FANCI: variants seen among roughly 807,000 people sequenced by gnomAD.
The protein encoded by FANCI is Fanconi anemia group I protein.
Under a neutral mutation model 176.1 loss-of-function variants are expected in FANCI, and 156 were observed. That is an observed-to-expected ratio of 0.89 (90% CI 0.78 to 1.01). The LOEUF (loss-of-function observed/expected upper bound fraction) is 1.01, where lower values mean the gene tolerates loss of function less well. FANCI is among the 50% of genes least tolerant of loss of function. The pLI, the probability that FANCI is intolerant of heterozygous loss-of-function variation, is 0.00. For missense variants in FANCI, 1,678 were observed against 1,534.1 expected, an observed-to-expected ratio of 1.09 and a Z score of -1.57; for synonymous variants, 613 against 541.7, an observed-to-expected ratio of 1.13 and a Z score of -1.83.
intron 34 of FANCI, among the ~76,000 whole-genome samples, chr15:89,310,463 T>G (rs775862795): frequency 3.3e-5 from 5 of 152,264 alleles, no homozygotes; most frequent in Non-Finnish European, 5.9e-5. Context: ...AGACTGCTAT[T>G]ATTTTCCCCT....
chr15:89,281,034 A>C, intron 14 of FANCI, 136 bp from the exon 15 acceptor site: 1 of 828,058 alleles, frequency 1.2e-6, no homozygotes, highest in Non-Finnish European at 2.0e-6. Context: ...TAGAATCAGT[A>C]GAAATTTGTA....
rs2053840102 is a variant in FANCI at position 89,286,977 on chromosome 15, C to CTTTTTTTTTTTTTTTTTTTGTTTTTTT, written c.1821+1778_1821+1779insGTTTTTTTTTTTTTTTTTTTTTTTTTT. Among the ~76,000 whole-genome samples the CTTTTTTTTTTTTTTTTTTTGTTTTTTT allele has an allele frequency of 2.3e-5, 2 of 86,054 alleles. 1 individual carries two copies. The highest frequency in any genetic ancestry group is 9.5e-5 in the African/African-American group (2 of 21,158). The allele number at this position is 86,054 out of a possible 152,430, so 56.5% of individuals were successfully genotyped here. On this transcript the variant is annotated intron_variant, in intron 18 of 37. Transcript: ENST00000310775. Reference sequence around the variant, plus strand: ...TCAGCATTTGCTGCTTCACCTTGCACTTTTTTTTTTTTTTTTTTTTTGAGT... The same window carrying CTTTTTTTTTTTTTTTTTTTGTTTTTTT: ...TCAGCATTTGCTGCTTCACCTTGCACTTTTTTTTTTTTTTTTTTTGTTTTTTTTTTTTTTTTTTTTTTTTTTTTGAGT...
chr15:89,252,294 C>G (rs1031392727), intron 2 of FANCI, among the ~76,000 whole-genome samples: 15 of 148,434 alleles, frequency 1.0e-4, no homozygotes, highest in African/African-American at 3.7e-4. Flanking sequence ...AAGTGAGATT[C>G]CATCTAAAAA....
intron 34 of FANCI, among the ~76,000 whole-genome samples, chr15:89,309,658 G>C (rs1279674731): frequency 6.6e-6 from 1 of 152,208 alleles, no homozygotes; most frequent in Non-Finnish European, 1.5e-5. Context: ...AGGACTTGAA[G>C]GCTGCAGTGA....
At chr15:89,258,486 A>G (rs2052588729) in intron 2 of FANCI, among the ~76,000 whole-genome samples, 1 of 152,224 alleles carries the variant, frequency 6.6e-6, no homozygotes, top group African/African-American at 2.4e-5. Context: ...AGTTATAAAC[A>G]TAAATGTTTA....
chr15:89,265,150 C>G (rs562810460), intron 9 of FANCI, among the ~76,000 whole-genome samples: 1 of 152,224 alleles, frequency 6.6e-6, no homozygotes, highest in South Asian at 2.1e-4. Context: ...GGAAATAATA[C>G]AAAGGCAGAA....
chr15:89,307,850 T>G, intron 34 of FANCI, 178 bp downstream of exon 34: 1 of 1,475,316 alleles, frequency 6.8e-7, no homozygotes. Context: ...AGGACATCTT[T>G]ATGTAAAGAA....
intron 27 of FANCI, among the ~76,000 whole-genome samples, chr15:89,302,197 G>A (rs115537008): frequency 0.011 from 1,637 of 152,280 alleles, 28 homozygotes; most frequent in African/African-American, 0.037. Flanking sequence ...GTGAGCCCTT[G>A]CCTCAGAAGA....
chr15:89,253,917 A>AATTAC (rs2052382211), intron 2 of FANCI, among the ~76,000 whole-genome samples: 1 of 151,818 alleles, frequency 6.6e-6, no homozygotes, highest in Non-Finnish European at 1.5e-5. Flanking sequence ...GAGAAAAATA[A>AATTAC]AATAAAAGAT....
At chr15:89,286,555 CT>C (rs931372843) in intron 18 of FANCI, among the ~76,000 whole-genome samples, 1 of 151,654 alleles carries the variant, frequency 6.6e-6, no homozygotes, top group Non-Finnish European at 1.5e-5. Flanking sequence ...TGAGAAGAAT[CT>C]TTTTTTTTCT....
intron 24 of FANCI, among the ~76,000 whole-genome samples, chr15:89,297,362 G>A (rs373147164): frequency 4.6e-5 from 7 of 152,156 alleles, no homozygotes; most frequent in African/African-American, 1.2e-4. Context: ...ACGGGGTGGC[G>A]GCTGGGCAGA....
intron 22 of FANCI, 97 bp from the exon 23 acceptor site, chr15:89,293,736 T>C (rs2054152193): frequency 1.7e-6 from 2 of 1,152,630 alleles, no homozygotes; most frequent in African/African-American, 1.5e-5. Context: ...GTCTAAAATA[T>C]GACATTTAAA....
At chr15:89,272,604 T>C (rs2053240940) in intron 10 of FANCI, among the ~76,000 whole-genome samples, 1 of 152,186 alleles carries the variant, frequency 6.6e-6, no homozygotes, top group African/African-American at 2.4e-5. Context: ...TCTAAAAATA[T>C]TACAATTTTT....
intron 27 of FANCI, 49 bp downstream of exon 27, chr15:89,301,491 G>T (rs769369603): frequency 1.6e-6 from 2 of 1,223,044 alleles, no homozygotes; most frequent in South Asian, 2.4e-5. Flanking sequence ...CAGAAGGCAA[G>T]GATTATTGCA....
At chr15:89,252,627 C>G (rs2052308881) in intron 2 of FANCI, among the ~76,000 whole-genome samples, 2 of 152,146 alleles carry the variant, frequency 1.3e-5, no homozygotes, top group African/African-American at 4.8e-5. Flanking sequence ...GTAGTCTCAG[C>G]TACTCAGGAG....
At chr15:89,266,986 C>T (rs2052989332) in intron 9 of FANCI, among the ~76,000 whole-genome samples, 5 of 151,648 alleles carry the variant, frequency 3.3e-5, no homozygotes, top group Admixed American at 3.3e-4. Flanking sequence ...GGGACTAAAG[C>T]CAAGAGACTG....
intron 1 of FANCI, among the ~76,000 whole-genome samples, chr15:89,244,893 T>C (rs1037166078): frequency 1.1e-4 from 17 of 152,356 alleles, no homozygotes; most frequent in Admixed American, 1.0e-3. Context: ...TTCAGTGTTT[T>C]CCCTATTATA....
Position 89,267,335 on chromosome 15 carries a change from T to TAA in FANCI, c.756-1064_756-1063insAA, listed in dbSNP as rs1449569505. 2.0e-3 allele frequency among the ~76,000 whole-genome samples: 303 copies of TAA among 150,876 alleles called. 3 individuals are homozygous for TAA. The highest frequency in any genetic ancestry group is 0.013 in the East Asian group (68 of 5,126). On this transcript the variant is annotated intron_variant, in intron 9 of 37. Transcript: ENST00000310775. ...ATCCTTGTCTCAAAAAAAAAAAATT[T>TAA]TTTTTTTTTTTTTTGAGAAGAGGCC...
At chr15:89,286,993 T>TTTTTTTTTTTTTTTTC (rs1431341366) in intron 18 of FANCI, among the ~76,000 whole-genome samples, 2 of 146,548 alleles carry the variant, frequency 1.4e-5, no homozygotes, top group Admixed American at 6.8e-5. Flanking sequence ...TTTTTTTTTT[T>TTTTTTTTTTTTTTTTC]TTTTTGAGTC....
Sources: allele counts gnomAD v4.1 joint callset (sites outside exome capture counted in the v4.1 genomes callset), GRCh38; gene constraint gnomAD v4.1.1; transcripts MANE v1.5; gene names NCBI Gene and HGNC (gene_info 2026-07-23, HGNC 2026-07-21).